UGGT2: variants seen among roughly 807,000 people sequenced by gnomAD.
UGGT2 encodes UDP-glucose:glycoprotein glucosyltransferase 2.
Under a neutral mutation model 192.1 loss-of-function variants are expected in UGGT2, and 180 were observed. That is an observed-to-expected ratio of 0.94 (90% confidence interval 0.83 to 1.06). UGGT2 has a LOEUF of 1.06. Ranked by LOEUF, UGGT2 falls within the 50% of genes least tolerant of loss-of-function variation. UGGT2 has a pLI of 0.00. For missense variants in UGGT2, 1,849 were observed against 1,795.7 expected (o/e 1.03, Z -0.54); for synonymous variants, 580 against 591.0 (o/e 0.98, Z 0.27).
chr13:95,855,250 C>A (rs1276393435), intron 34 of UGGT2, among the ~76,000 whole-genome samples: 1 of 151,690 alleles, frequency 6.6e-6, no homozygotes, highest in Non-Finnish European at 1.5e-5. Context: ...TGTGCCACTG[C>A]ACTCCAGCCT....
chr13:95,893,279 TATAAA>T (rs2047853338), intron 24 of UGGT2, among the ~76,000 whole-genome samples: 1 of 152,142 alleles, frequency 6.6e-6, no homozygotes, highest in Admixed American at 6.6e-5. Context: ...CATATTTAAT[TATAAA>T]ATGACTCCCT....
At chr13:95,867,027 G>C (rs1212335111) in intron 30 of UGGT2, among the ~76,000 whole-genome samples, 2 of 151,880 alleles carry the variant, frequency 1.3e-5, no homozygotes, top group East Asian at 1.9e-4. Flanking sequence ...TCTTTTTAGA[G>C]CTAATTTTTC....
chr13:95,978,864 T>C (rs1156542969), intron 10 of UGGT2, among the ~76,000 whole-genome samples: 1 of 152,228 alleles, frequency 6.6e-6, no homozygotes, highest in African/African-American at 2.4e-5. Flanking sequence ...GAGATGATGT[T>C]CTAATATAGG....
chr13:95,853,423 T>C, intron 36 of UGGT2, 120 bp downstream of exon 36: 1 of 646,656 alleles, frequency 1.5e-6, no homozygotes, highest in Non-Finnish European at 2.5e-6. Flanking sequence ...AATAGATAAT[T>C]ACATAAACAG....
rs1188589432 is a variant in UGGT2, at chr13:95,986,394, G to C, written c.970C>G (p.Pro324Ala). The part of the protein sequence containing the change: ...FQAASQIMSA[P>A]VYDSIKLMKD... ...ATTAATTTAATGGAATCATAAACTG[G>C]AGCGGACATTATTTGAGAAGCTGCT... Residue 324 changes from proline (P) to alanine (A), a missense_variant, in exon 9 of 39, where the codon CCA (proline) becomes GCA (alanine). Transcript: ENST00000376747. 2 of 1,603,206 alleles carry C rather than the reference G, an allele frequency of 1.2e-6. No homozygotes were observed.
intron 12 of UGGT2, among the ~76,000 whole-genome samples, chr13:95,969,762 G>A (rs979280934): frequency 2.0e-5 from 3 of 152,144 alleles, no homozygotes; most frequent in African/African-American, 7.2e-5. Flanking sequence ...AAATTGTTTC[G>A]GCAGGACTTT....
In UGGT2 at chr13:95,927,263, GTATT is replaced by G. The variant is rs993133807; in HGVS notation, c.2047_2050del (p.Asn683LeufsTer2). 1.1e-5 allele frequency: 17 copies of G among 1,612,316 alleles called. No homozygotes were observed. Among genetic ancestry groups the G allele is most frequent in the Non-Finnish European group, 1.4e-5 (17 of 1,179,154 alleles). On this transcript the variant is annotated frameshift_variant, in exon 18 of 39. Transcript: ENST00000376747. LOFTEE classifies it high-confidence loss of function. Reference sequence around the variant, plus strand: ...CTGCTGGTTAGTACGCAAAATCAAAGTATTTATACGGGGTACAACATTATTCCTA... The same window carrying G: ...CTGCTGGTTAGTACGCAAAATCAAAGTATACGGGGTACAACATTATTCCTA...
At chr13:95,862,581 TG>T (rs1360267328) in intron 31 of UGGT2, among the ~76,000 whole-genome samples, 1 of 152,176 alleles carries the variant, frequency 6.6e-6, no homozygotes, top group Non-Finnish European at 1.5e-5. Context: ...TGACTCATGC[TG>T]GGTTATCAGA....
At position 95,922,121 on chromosome 13, in the gene UGGT2, T is replaced by C. The variant is rs143452079; in HGVS notation, c.2295+3559A>G. On this transcript the variant is annotated intron_variant, in intron 20 of 38. Transcript: ENST00000376747. ...GTGCAAATTGAAATCAATCTACACA[T>C]TGATTGATAGAATGAGATCATGTCC... is the stretch of plus-strand genomic sequence containing the variant. Among the ~76,000 whole-genome samples, 483 of 152,314 alleles carry C rather than the reference T, an allele frequency of 3.2e-3. 3 individuals are homozygous for C. Among genetic ancestry groups the C allele is most frequent in the African/African-American group, 0.011 (460 of 41,564 alleles).
At chr13:95,891,112 TG>T (rs2047790100) in intron 24 of UGGT2, 148 bp from the exon 25 acceptor site, 1 of 543,000 alleles carries the variant, frequency 1.8e-6, no homozygotes. Context: ...CTTGCAAATC[TG>T]AAAATCTGTT....
At chr13:95,814,593 ATCTCATGTCC>A (rs1884730297) in intron 38 of UGGT2, among the ~76,000 whole-genome samples, 1 of 152,192 alleles carries the variant, frequency 6.6e-6, no homozygotes. Flanking sequence ...TTTGCCTCAG[ATCTCATGTCC>A]TTCTCACATT....
chr13:96,007,910 C>T (rs905150025), intron 5 of UGGT2, among the ~76,000 whole-genome samples: 6 of 152,044 alleles, frequency 3.9e-5, no homozygotes, highest in East Asian at 3.9e-4. Context: ...AACTCATCTT[C>T]GACAAACATG....
At position 95,877,322 on chromosome 13, in the gene UGGT2, T is replaced by G. The variant is rs1314697599; in HGVS notation, c.3430A>C (p.Arg1144=). Reference sequence around the variant, plus strand: ...TCTTCAGATTTTCCTTGGTGTAACCTCAGTATCCAAGCACCTGGGTTTGCT... The same window carrying G: ...TCTTCAGATTTTCCTTGGTGTAACCGCAGTATCCAAGCACCTGGGTTTGCT... ...LKANPGAWIL[R]LHQGKSEDIY... Residue 1144 remains arginine, a synonymous_variant, in exon 29 of 39, where the codon AGG becomes CGG. Transcript: ENST00000376747. 1.9e-6 allele frequency: 3 copies of G among 1,608,034 alleles called. No individual in the cohort carries two copies. The highest frequency in any genetic ancestry group is 2.5e-6 in the Non-Finnish European group (3 of 1,178,050).
chr13:95,806,843 A>C (rs1884331381), intron 38 of UGGT2, among the ~76,000 whole-genome samples: 1 of 152,186 alleles, frequency 6.6e-6, no homozygotes, highest in African/African-American at 2.4e-5. Context: ...ATGCCAAAGA[A>C]TGAAGTTGGA....
chr13:95,893,723 C>T (rs976070554), intron 24 of UGGT2, among the ~76,000 whole-genome samples: 1 of 151,804 alleles, frequency 6.6e-6, no homozygotes, highest in Admixed American at 6.6e-5. Context: ...CTGTAAGACA[C>T]TTGAGTGAGC....
chr13:95,996,079 G>T lies in UGGT2; in HGVS notation c.814C>A (p.Leu272Ile), dbSNP rs556243945. 1 of 1,613,422 alleles carries T rather than the reference G, an allele frequency of 6.2e-7. No homozygotes were observed. Among genetic ancestry groups the T allele is most frequent in the Admixed American group, 1.7e-5 (1 of 59,912 alleles). The part of the protein sequence containing the change: ...ETETNEVQGF[L>I]FGKLKEIYSD... ...CAGACTTACTTTAGTTTCCCAAAGA[G>T]AAATCCTTGAACTTCATTTGTTTCA... is the stretch of plus-strand genomic sequence containing the variant. Residue 272 changes from leucine (L) to isoleucine (I), a missense_variant, in exon 7 of 39, where the codon CTC becomes ATC. Leu to Ile is a conservative substitution (Grantham distance 5). Transcript: ENST00000376747.
At chr13:96,033,611 T>C (rs1389689279) in intron 1 of UGGT2, among the ~76,000 whole-genome samples, 1 of 152,134 alleles carries the variant, frequency 6.6e-6, no homozygotes, top group Non-Finnish European at 1.5e-5. Context: ...AACACAGACT[T>C]GAAAGTGCCT....
chr13:96,001,449 ACT>A (rs1161555329), intron 5 of UGGT2, among the ~76,000 whole-genome samples: 1 of 151,490 alleles, frequency 6.6e-6, no homozygotes, highest in African/African-American at 2.4e-5. Flanking sequence ...CCCTTCGCTG[ACT>A]CTCTTTTCGG....
At chr13:95,887,117 C>A (rs984891579) in intron 26 of UGGT2, among the ~76,000 whole-genome samples, 1 of 152,074 alleles carries the variant, frequency 6.6e-6, no homozygotes, top group African/African-American at 2.4e-5. Context: ...TCAGTTGTAA[C>A]AAATACAATT....
Sources: allele counts gnomAD v4.1 joint callset (sites outside exome capture counted in the v4.1 genomes callset), GRCh38; gene constraint gnomAD v4.1.1; transcripts MANE v1.5; gene names NCBI Gene and HGNC (gene_info 2026-07-23, HGNC 2026-07-21).